Variants in NAV2 observed in about 807,000 individuals in gnomAD.
NAV2 encodes neuron navigator 2.
NAV2 carries 54 observed loss-of-function variants against 223.2 expected under a neutral mutation model. The observed-to-expected ratio is 0.24, with a 90% CI of 0.19 to 0.30. NAV2 has a LOEUF of 0.30. NAV2 is among the 10% of genes least tolerant of loss of function. The pLI is 1.00. For missense variants in NAV2, 2,806 were observed against 3,147.5 expected (o/e 0.89, Z 2.60); for synonymous variants, 1,279 against 1,239.3 (o/e 1.03, Z -0.67).
chr11:19,996,402 C>T (rs1364162649), intron 11 of NAV2, among the ~76,000 whole-genome samples: 1 of 152,228 alleles, frequency 6.6e-6, no homozygotes, highest in Non-Finnish European at 1.5e-5. Context: ...TTTTCCCCAT[C>T]TGGGAGGCTC....
At chr11:19,932,975 A>C (rs2045525269) in intron 6 of NAV2, among the ~76,000 whole-genome samples, 1 of 152,060 alleles carries the variant, frequency 6.6e-6, no homozygotes, top group Admixed American at 6.6e-5. Context: ...GGTTGGGGGG[A>C]TGTGAACTGT....
At chr11:19,677,843 T>G (rs1040932103) in intron 1 of NAV2, among the ~76,000 whole-genome samples, 3 of 152,236 alleles carry the variant, frequency 2.0e-5, no homozygotes, top group African/African-American at 7.2e-5. Flanking sequence ...AGGGCAAGAT[T>G]GAGTGGTTGC....
At chr11:19,488,875 G>T (rs1196936896) in intron 1 of NAV2, among the ~76,000 whole-genome samples, 1 of 152,184 alleles carries the variant, frequency 6.6e-6, no homozygotes, top group African/African-American at 2.4e-5. Context: ...TATTTCACAT[G>T]CCTACTGACA....
chr11:19,460,520 G>C (rs920440597), intron 1 of NAV2, among the ~76,000 whole-genome samples: 1 of 151,874 alleles, frequency 6.6e-6, no homozygotes, highest in East Asian at 1.9e-4. Context: ...CTTCCCTTGC[G>C]CTTCCCAGGT....
chr11:19,606,175 G>T (rs1316302684), intron 1 of NAV2, among the ~76,000 whole-genome samples: 1 of 152,220 alleles, frequency 6.6e-6, no homozygotes, highest in Non-Finnish European at 1.5e-5. Context: ...GGCAGCAAAA[G>T]CCAAACTCCT....
intron 31 of NAV2, among the ~76,000 whole-genome samples, chr11:20,099,995 G>C (rs2061517491): frequency 6.6e-6 from 1 of 152,148 alleles, no homozygotes; most frequent in Admixed American, 6.5e-5. Context: ...TTCTGGAAGA[G>C]TCATTGTACA....
chr11:19,940,779 C>T (rs149261369), intron 8 of NAV2, among the ~76,000 whole-genome samples: 40 of 152,304 alleles, frequency 2.6e-4, no homozygotes, highest in African/African-American at 8.9e-4. Flanking sequence ...TGCCTGGGCA[C>T]GGTGATGGTG....
chr11:20,118,580 A>C lies in NAV2; in HGVS notation c.*322A>C. ...CATCGCCGTTGAAATGAAAAGAGAGACAGAGAGAAAAAAAAAAAGAGAACC... is the reference window on the plus strand; with the variant it reads ...CATCGCCGTTGAAATGAAAAGAGAGCCAGAGAGAAAAAAAAAAAGAGAACC... On this transcript the variant is annotated 3_prime_UTR_variant, in exon 38 of 38. Transcript: ENST00000349880. 1 of 95,036 alleles carries C rather than the reference A, an allele frequency of 1.1e-5. No homozygotes were observed. The highest frequency in any genetic ancestry group is 2.6e-5 in the Non-Finnish European group (1 of 38,998). The allele number at this position is 95,036 out of a possible 1,614,324, so 5.9% of individuals were successfully genotyped here. A position where few individuals can be genotyped will look rare whatever the true frequency, so the allele number is the denominator to read the frequency against.
chr11:19,958,393 C>G (rs2048063705), intron 10 of NAV2, among the ~76,000 whole-genome samples: 1 of 152,206 alleles, frequency 6.6e-6, no homozygotes, highest in African/African-American at 2.4e-5. Context: ...CAACAGGGCA[C>G]TGTGTAGGTC....
chr11:19,743,637 G>A (rs952208309), intron 1 of NAV2, among the ~76,000 whole-genome samples: 3 of 152,250 alleles, frequency 2.0e-5, no homozygotes, highest in Non-Finnish European at 4.4e-5. Context: ...TCCAAGGCGA[G>A]GCCACAAAAA....
At chr11:19,533,222 G>C (rs1459648627) in intron 1 of NAV2, among the ~76,000 whole-genome samples, 1 of 151,558 alleles carries the variant, frequency 6.6e-6, no homozygotes, top group Non-Finnish European at 1.5e-5. Flanking sequence ...CAGCACAATT[G>C]ACGTTTGGAG....
intron 22 of NAV2, among the ~76,000 whole-genome samples, chr11:20,074,953 G>C (rs936366434): frequency 6.6e-6 from 1 of 151,956 alleles, no homozygotes; most frequent in African/African-American, 2.4e-5. Context: ...AGGAATGCCC[G>C]TAAGTGGAGT....
intron 1 of NAV2, among the ~76,000 whole-genome samples, chr11:19,680,300 G>A (rs1220282778): frequency 6.6e-6 from 1 of 152,210 alleles, no homozygotes; most frequent in Non-Finnish European, 1.5e-5. Flanking sequence ...AGCGTGATCT[G>A]CTGCCCATGA....
rs538676980 is a variant in NAV2 at position 19,626,293 on chromosome 11, C to T, written c.76-206191C>T. Among the ~76,000 whole-genome samples, 11 of 152,222 alleles carry T rather than the reference C, an allele frequency of 7.2e-5. No homozygotes were observed. In the South Asian group the frequency reaches 1.9e-3, roughly 26 times the overall value. On this transcript the variant is annotated intron_variant, in intron 1 of 37. Transcript: ENST00000360655. ...CATTTATTGAAGAGGGTGTCCTTTC[C>T]TCAGTGAGTGTTCTTGGCATCTTTG...
intron 3 of NAV2, among the ~76,000 whole-genome samples, chr11:19,864,172 C>G (rs930184925): frequency 2.6e-5 from 4 of 152,182 alleles, no homozygotes; most frequent in Admixed American, 2.0e-4. Context: ...GTTTGCCTCT[C>G]CTTCCAGACT....
intron 10 of NAV2, among the ~76,000 whole-genome samples, chr11:19,954,869 A>G (rs60642796): frequency 0.91 from 137,262 of 151,120 alleles, 62,427 homozygotes; most frequent in East Asian, 0.98. Context: ...GTGTGTGTAT[A>G]TGCATGTGTG....
At chr11:19,616,415 T>C (rs1311716890) in intron 1 of NAV2, among the ~76,000 whole-genome samples, 3 of 152,032 alleles carry the variant, frequency 2.0e-5, no homozygotes, top group African/African-American at 7.2e-5. Context: ...CCTGGGTATA[T>C]GCCCGCCTTT....
At chr11:19,709,739 C>T (rs1438712760), upstream of NAV2, among the ~76,000 whole-genome samples, 5 of 151,842 alleles carry the variant, frequency 3.3e-5, no homozygotes, top group South Asian at 2.1e-4. Context: ...GAGCCAAGAT[C>T]GCGCCATTGC....
intron 1 of NAV2, among the ~76,000 whole-genome samples, chr11:19,403,984 C>T (rs186839811): frequency 8.8e-4 from 134 of 151,954 alleles, no homozygotes; most frequent in African/African-American, 2.4e-3. Context: ...GCAAAGGCCA[C>T]GAGGTAGTAG....
Sources: allele counts gnomAD v4.1 joint callset (sites outside exome capture counted in the v4.1 genomes callset), GRCh38; gene constraint gnomAD v4.1.1; transcripts MANE v1.5; gene names NCBI Gene and HGNC (gene_info 2026-07-23, HGNC 2026-07-21).